The following DENND6B variants were observed in gnomAD, a reference collection of about 807,000 sequenced individuals.
DENND6B encodes the protein protein DENND6B.
DENND6B carries 73 observed loss-of-function variants against 85.1 expected under a neutral mutation model. That is an observed-to-expected ratio of 0.86 (90% CI 0.71 to 1.04). DENND6B has a LOEUF of 1.04. Ranked by LOEUF, DENND6B falls within the 50% of genes least tolerant of loss-of-function variation. The probability of loss-of-function intolerance (pLI) is 0.00; values close to 1 mark genes in which losing one functional copy is unlikely to be tolerated. For missense variants in DENND6B, 715 were observed against 785.8 expected (o/e 0.91, Z 1.08); for synonymous variants, 357 against 329.3 (o/e 1.08, Z -0.91).
intron 1 of DENND6B, 47 bp from the exon 2 acceptor site, chr22:50,319,050 G>C: frequency 1.3e-6 from 2 of 1,563,762 alleles, no homozygotes; most frequent in Non-Finnish European, 1.7e-6. Flanking sequence ...GTCCGAGGAG[G>C]CGACACCCCT....
At chr22:50,324,120 C>T (rs984612340) in intron 1 of DENND6B, among the ~76,000 whole-genome samples, 3 of 152,010 alleles carry the variant, frequency 2.0e-5, no homozygotes, top group Admixed American at 1.3e-4. Flanking sequence ...ACAGTCCTGC[C>T]CAGCCCCTCA....
chr22:50,317,879 G>A (rs1250935089), intron 4 of DENND6B, 29 bp downstream of exon 4: 1 of 1,586,538 alleles, frequency 6.3e-7, no homozygotes, highest in South Asian at 1.1e-5. Context: ...CAGGGGAGAA[G>A]CAGGCCAGAG....
At chr22:50,315,858 G>C in intron 8 of DENND6B, 89 bp from the exon 9 acceptor site, 1 of 1,482,178 alleles carries the variant, frequency 6.7e-7, no homozygotes, top group South Asian at 1.3e-5. Flanking sequence ...ACAGGGGAAG[G>C]TGGAGAGCAC....
At chr22:50,315,032 A>G (rs1020936120) in intron 9 of DENND6B, 111 bp from the exon 10 acceptor site, 1 of 1,453,296 alleles carries the variant, frequency 6.9e-7, no homozygotes, top group Non-Finnish European at 9.4e-7. Flanking sequence ...TGAACACAGC[A>G]CGCTGCTCCA....
intron 1 of DENND6B, among the ~76,000 whole-genome samples, chr22:50,321,850 C>G (rs937482628): frequency 6.6e-6 from 1 of 150,982 alleles, no homozygotes. Context: ...CACTGTTGTG[C>G]TACAGGCGTG....
At chr22:50,320,761 C>A (rs534200237) in intron 1 of DENND6B, among the ~76,000 whole-genome samples, 1 of 152,194 alleles carries the variant, frequency 6.6e-6, no homozygotes, top group East Asian at 1.9e-4. Context: ...TGAGAAAAGG[C>A]GGGTACCTTC....
At chr22:50,323,743 T>TA (rs1266397906) in intron 1 of DENND6B, among the ~76,000 whole-genome samples, 15 of 124,786 alleles carry the variant, frequency 1.2e-4, no homozygotes, top group East Asian at 2.4e-4. Context: ...TTTTTTTTTT[T>TA]AATTTTGTTT....
chr22:50,321,547 A>G (rs1263825440), intron 1 of DENND6B, among the ~76,000 whole-genome samples: 3 of 151,446 alleles, frequency 2.0e-5, no homozygotes, highest in Non-Finnish European at 2.9e-5. Flanking sequence ...ATTTTTTAGT[A>G]GAGACAGGGC....
At chr22:50,316,316 G>A in intron 6 of DENND6B, 54 bp downstream of exon 6, 1 of 1,562,856 alleles carries the variant, frequency 6.4e-7, no homozygotes, top group African/African-American at 1.4e-5. Flanking sequence ...GAGCCCACCA[G>A]GGGCCACAGC....
At chr22:50,325,084 G>C (rs2042155186) in intron 1 of DENND6B, among the ~76,000 whole-genome samples, 1 of 152,092 alleles carries the variant, frequency 6.6e-6, no homozygotes, top group African/African-American at 2.4e-5. Flanking sequence ...TCAGGCCCCG[G>C]TGGATCCACT....
Position 50,319,021 on chromosome 22 carries a change from G to T in DENND6B, c.178-18C>A. The T allele has an allele frequency of 6.3e-7, 1 of 1,588,390 alleles. No homozygotes were observed. Among genetic ancestry groups the T allele is most frequent in the Non-Finnish European group, 8.6e-7 (1 of 1,167,698 alleles). Reference sequence around the variant, plus strand: ...TACACCAGCTGCAGAGGAAGACAGAGTGCTTGGTGACACCATCTGTCCGAG... The same window carrying T: ...TACACCAGCTGCAGAGGAAGACAGATTGCTTGGTGACACCATCTGTCCGAG... On this transcript the variant is annotated intron_variant, in intron 1 of 19. Coordinates refer to ENST00000413817, the MANE Select transcript of DENND6B (RefSeq NM_001001794.4).
At position 50,314,412 on chromosome 22, in the gene DENND6B, G is replaced by T. The variant is rs750299559; in HGVS notation, c.1060C>A (p.Pro354Thr). The change falls in exon 12 of 20, where the codon CCC (proline) becomes ACC (threonine). Residue 354 changes from proline to threonine, a missense_variant. Pro to Thr is a conservative substitution (Grantham distance 38, BLOSUM62 -1). Transcript: ENST00000413817. ...HWPHILRVGEPKMSGDLPKQV... is the reference protein window; with the variant it reads ...HWPHILRVGETKMSGDLPKQV... ...CCGGGAGCCTGACCTGACATCTTGG[G>T]CTCCCCGACTCGGAGGATGTGGGGC... 6.4e-7 allele frequency: 1 copy of T among 1,564,454 alleles called. No homozygotes were observed.
At position 50,316,017 on chromosome 22, in the gene DENND6B, G is replaced by A. The variant is rs564340369; in HGVS notation, c.702+8C>T. On this transcript the variant is annotated splice_region_variant and intron_variant, in intron 8 of 19. Coordinates refer to ENST00000413817, the MANE Select transcript of DENND6B (RefSeq NM_001001794.4). Reference sequence around the variant, plus strand: ...CTGTTTCAGCTCCACCTCCGCCTCAGCTCCCACCTCTTGGTCAAACTGCTT... The same window carrying A: ...CTGTTTCAGCTCCACCTCCGCCTCAACTCCCACCTCTTGGTCAAACTGCTT... The A allele has an allele frequency of 5.6e-6, 9 of 1,612,606 alleles. No homozygotes were observed. The South Asian group carries it at 9.9e-5, about 18-fold the overall frequency.
In DENND6B at chr22:50,316,445, C is replaced by G. The variant is rs201899701; in HGVS notation, c.484G>C (p.Val162Leu). The change falls in exon 6 of 20, where the codon GTC (valine) becomes CTC (leucine). Residue 162 changes from valine (V) to leucine (L), a missense_variant. By Grantham distance (32) the Val-to-Leu change is conservative. Transcript: ENST00000413817. Reference sequence around the variant, plus strand: ...CTTAGCAGCGCTTGGAACAGCCGGACAAAGGGCAAGCGGGACACCAGCACC... The same window carrying G: ...CTTAGCAGCGCTTGGAACAGCCGGAGAAAGGGCAAGCGGGACACCAGCACC... ...SLVLVSRLPF[V>L]RLFQALLSLI... The G allele has an allele frequency of 6.3e-7, 1 of 1,587,352 alleles. No homozygotes were observed. Among genetic ancestry groups the G allele is most frequent in the African/African-American group, 1.3e-5 (1 of 74,272 alleles).
intron 1 of DENND6B, among the ~76,000 whole-genome samples, chr22:50,325,977 A>G (rs1360953166): frequency 1.3e-5 from 2 of 152,198 alleles, no homozygotes; most frequent in Non-Finnish European, 2.9e-5. Context: ...GCGGTAATAG[A>G]GAGCTCACTA....
intron 15 of DENND6B, 36 bp downstream of exon 15, chr22:50,313,598 GC>G (rs2068125062): frequency 4.7e-6 from 4 of 851,594 alleles, no homozygotes; most frequent in Non-Finnish European, 2.9e-6. Context: ...CCAGCCCCGT[GC>G]CCCCCAGTCC....
At chr22:50,318,136 C>A in intron 3 of DENND6B, 116 bp from the exon 4 acceptor site, 1 of 964,586 alleles carries the variant, frequency 1.0e-6, no homozygotes, top group Admixed American at 2.6e-5. Flanking sequence ...GGTAAATATA[C>A]CCCAGAAACC....
rs1354371741 is a variant in DENND6B at position 50,314,785 on chromosome 22, G to A, written c.881+14C>T. 1 of 1,597,822 alleles carries A rather than the reference G, an allele frequency of 6.3e-7. No individual in the cohort carries two copies. Among genetic ancestry groups the A allele is most frequent in the Non-Finnish European group, 8.5e-7 (1 of 1,173,044 alleles). Reference sequence around the variant, plus strand: ...GGTCCAGCTTCCCCAGCCGGGACCGGGCCAAGGCGATACCTGGTCAAGGCC... The same window carrying A: ...GGTCCAGCTTCCCCAGCCGGGACCGAGCCAAGGCGATACCTGGTCAAGGCC... On this transcript the variant is annotated intron_variant, in intron 10 of 19. Coordinates refer to ENST00000413817, the MANE Select transcript of DENND6B (RefSeq NM_001001794.4).
intron 1 of DENND6B, chr22:50,319,552 C>T (rs1393420026): frequency 2.0e-6 from 2 of 978,560 alleles, no homozygotes; most frequent in Admixed American, 6.1e-5. Context: ...GGGATGGTCA[C>T]GGGGCTCCAC....
Sources: allele counts gnomAD v4.1 joint callset (sites outside exome capture counted in the v4.1 genomes callset), GRCh38; gene constraint gnomAD v4.1.1; transcripts MANE v1.5; gene names NCBI Gene and HGNC (gene_info 2026-07-23, HGNC 2026-07-21).